Variants in RASGEF1C observed in about 807,000 individuals in gnomAD.
RASGEF1C encodes RasGEF domain family member 1C.
A neutral mutation model predicts 58.1 loss-of-function variants in RASGEF1C; 27 were observed. The observed-to-expected ratio is 0.46, with a 90% CI of 0.34 to 0.64. The LOEUF (loss-of-function observed/expected upper bound fraction) is 0.64. Ranked by LOEUF, RASGEF1C falls within the 30% of genes least tolerant of loss-of-function variation. RASGEF1C has a pLI of 0.01. For synonymous variants in RASGEF1C, 243 were observed against 246.3 expected (o/e 0.99, Z 0.13); for missense variants, 502 against 605.1 (o/e 0.83, Z 1.79).
At position 180,177,129 on chromosome 5, in the gene RASGEF1C, G is replaced by A. The variant is rs1162033149; in HGVS notation, c.-7+31899C>T. Among the ~76,000 whole-genome samples, 3 of 152,210 alleles carry A rather than the reference G, an allele frequency of 2.0e-5. No homozygotes were observed. The highest frequency in any genetic ancestry group is 6.5e-5 in the Admixed American group (1 of 15,286). ...ACCAGGGTGAGAGGTGAGACTCTCAGAGCCTGACGGAGGGGCTGGATGAGG... is the reference window on the plus strand; with the variant it reads ...ACCAGGGTGAGAGGTGAGACTCTCAAAGCCTGACGGAGGGGCTGGATGAGG... On this transcript the variant is annotated intron_variant, in intron 1 of 13. Coordinates refer to ENST00000361132, the MANE Select transcript of RASGEF1C (RefSeq NM_175062.4). The surrounding 1 kb of genome is among the most constrained non-coding windows in gnomAD (Gnocchi z 5.0).
rs1176376141 is a variant in RASGEF1C, at chr5:180,101,441, G to A, written c.*60C>T. On this transcript the variant is annotated 3_prime_UTR_variant, in exon 14 of 14. Transcript: ENST00000361132. ...GGCCTCTGCCCACTGGGCCACTGAG[G>A]CAGGGCTGTGGACGGCTTCTGCGGG... is the stretch of plus-strand genomic sequence containing the variant. 3 of 1,597,900 alleles carry A rather than the reference G, an allele frequency of 1.9e-6. No homozygotes were observed. Among genetic ancestry groups the A allele is most frequent in the African/African-American group, 2.7e-5 (2 of 74,812 alleles).
chr5:180,142,373 G>A (rs1229767161), intron 1 of RASGEF1C, among the ~76,000 whole-genome samples: 2 of 152,160 alleles, frequency 1.3e-5, no homozygotes, highest in African/African-American at 4.8e-5. Context: ...GGTATGCGTT[G>A]TCATGGTCCC....
rs112570993 is a variant in RASGEF1C, at chr5:180,168,301, T to C, written c.-6-30243A>G. Among the ~76,000 whole-genome samples the C allele has an allele frequency of 0.034, 5,113 of 152,094 alleles. 133 individuals carry two copies. Among genetic ancestry groups the C allele is most frequent in the South Asian group, 0.1 (480 of 4,802 alleles). ...ATACAAAATTAGCCGAGCCTGGTGG[T>C]GCATGCCTGTAATCGCAGCTACTCG... On this transcript the variant is annotated intron_variant, in intron 1 of 13. Coordinates refer to ENST00000361132, the MANE Select transcript of RASGEF1C (RefSeq NM_175062.4). This position sits in a 1 kb window ranked among gnomAD's most constrained non-coding sequence, Gnocchi z 6.0.
chr5:180,121,679 A>ACC (rs1554111948), intron 6 of RASGEF1C, among the ~76,000 whole-genome samples: 40 of 27,868 alleles, frequency 1.4e-3, no homozygotes, highest in African/African-American at 4.3e-3. Flanking sequence ...ACACACACAC[A>ACC]CACCCTCATT....
intron 1 of RASGEF1C, among the ~76,000 whole-genome samples, chr5:180,145,953 T>C (rs4700880): frequency 0.93 from 141,616 of 152,318 alleles, 66,700 homozygotes; most frequent in East Asian, 1. Flanking sequence ...ATCAATCCCT[T>C]ATTAGCTATG....
At chr5:180,148,605 C>T (rs1197977276) in intron 1 of RASGEF1C, among the ~76,000 whole-genome samples, 3 of 152,192 alleles carry the variant, frequency 2.0e-5, no homozygotes, top group Non-Finnish European at 4.4e-5. Context: ...CATTCAAAAA[C>T]TCTGCTCCTA....
At chr5:180,136,269 C>T (rs1766469611) in intron 4 of RASGEF1C, 109 bp downstream of exon 4, 10 of 1,142,276 alleles carry the variant, frequency 8.8e-6, no homozygotes, top group South Asian at 5.0e-5. Context: ...TTGGACGGGC[C>T]GTGGTGTGCA....
chr5:180,153,972 C>T (rs1235799796), intron 1 of RASGEF1C, among the ~76,000 whole-genome samples: 1 of 152,188 alleles, frequency 6.6e-6, no homozygotes, highest in Non-Finnish European at 1.5e-5. Context: ...CCATGTGGCC[C>T]CTGGTCAGCA....
At chr5:180,200,990 C>A (rs1242939206) in intron 1 of RASGEF1C, among the ~76,000 whole-genome samples, 2 of 152,090 alleles carry the variant, frequency 1.3e-5, no homozygotes, top group East Asian at 3.9e-4. Flanking sequence ...CTCAGCTACT[C>A]GGGAGGCTGA....
chr5:180,141,288 AT>A (rs60636801), intron 1 of RASGEF1C, among the ~76,000 whole-genome samples: 4 of 152,168 alleles, frequency 2.6e-5, no homozygotes, highest in African/African-American at 9.7e-5. Flanking sequence ...TCCACAAATA[AT>A]TTTTAAAAAG....
At chr5:180,124,847 C>T (rs1016278881) in intron 6 of RASGEF1C, among the ~76,000 whole-genome samples, 1 of 150,834 alleles carries the variant, frequency 6.6e-6, no homozygotes, top group Non-Finnish European at 1.5e-5. Flanking sequence ...CAATAAAAAA[C>T]TAGGCCAGGT....
rs569684064 is a variant in RASGEF1C at position 180,152,678 on chromosome 5, C to T, written c.-6-14620G>A. ...TGTATACATATGTAACAAACCTGCACGTTATGCACATGTACCCTAGAACTT... is the reference window on the plus strand; with the variant it reads ...TGTATACATATGTAACAAACCTGCATGTTATGCACATGTACCCTAGAACTT... On this transcript the variant is annotated intron_variant, in intron 1 of 13. Coordinates refer to ENST00000361132, the MANE Select transcript of RASGEF1C (RefSeq NM_175062.4). 1.6e-4 allele frequency among the ~76,000 whole-genome samples: 24 copies of T among 149,672 alleles called. 1 individual carries two copies. The highest frequency in any genetic ancestry group is 7.8e-4 in the East Asian group (4 of 5,096).
chr5:180,118,659 G>A lies in RASGEF1C; in HGVS notation c.1033C>T (p.Leu345=). 1.2e-6 allele frequency: 2 copies of A among 1,614,124 alleles called. No homozygotes were observed. The highest frequency in any genetic ancestry group is 1.7e-6 in the Non-Finnish European group (2 of 1,180,016). Residue 345 remains leucine, a synonymous_variant, in exon 10 of 14, where the codon CTG becomes TTG. Transcript: ENST00000361132. ...AGGGAGCGGTGGGCCGCCCCGCGCA[G>A]GGCTGTCCTGTAGTTGCAGAAATTC... ...TGNFCNYRTA[L]RGAAHRSLTA... is the part of the protein sequence containing the mutation.
intron 6 of RASGEF1C, among the ~76,000 whole-genome samples, 200 bp downstream of exon 6, chr5:180,127,409 T>C (rs1766280490): frequency 6.6e-6 from 1 of 152,216 alleles, no homozygotes; most frequent in African/African-American, 2.4e-5. Flanking sequence ...ACGTCCAGGC[T>C]TTCCGGGGAC....
chr5:180,174,501 T>C (rs1581120320), intron 1 of RASGEF1C, among the ~76,000 whole-genome samples: 1 of 149,284 alleles, frequency 6.7e-6, no homozygotes, highest in East Asian at 2.0e-4. Context: ...CGTGTGTGTC[T>C]GTGTGTGCGT....
rs889467547 is a variant in RASGEF1C at position 180,168,359 on chromosome 5, G to A, written c.-6-30301C>T. Among the ~76,000 whole-genome samples the A allele has an allele frequency of 1.8e-4, 27 of 152,096 alleles. No individual in the cohort carries two copies. The highest frequency in any genetic ancestry group is 5.2e-4 in the Admixed American group (8 of 15,256). ...GAGGCAGGAGAATTGCTTGAACCCG[G>A]GAGGTGGCGGTTGCCATGAGCCGAG... On this transcript the variant is annotated intron_variant, in intron 1 of 13. Transcript: ENST00000361132. The surrounding 1 kb of genome is among the most constrained non-coding windows in gnomAD (Gnocchi z 6.0).
In RASGEF1C at chr5:180,118,847, A is replaced by G. The variant is rs766203532; in HGVS notation, c.927T>C (p.Pro309=). ...CCCAGGTCTTCTTCAGCCTGGAGACAGGGCTCATGTTCATGCCGGCTGGAA... is the reference window on the plus strand; with the variant it reads ...CCCAGGTCTTCTTCAGCCTGGAGACGGGGCTCATGTTCATGCCGGCTGGAA... ...MAIISGMNMS[P]VSRLKKTWAK... is the part of the protein sequence containing the mutation. The change falls in exon 9 of 14, where the codon CCT becomes CCC. Residue 309 remains proline, a synonymous_variant. Transcript: ENST00000361132. 7.4e-6 allele frequency: 12 copies of G among 1,614,206 alleles called. No homozygotes were observed. In the South Asian group the frequency reaches 1.1e-4, roughly 15 times the overall value.
chr5:180,174,799 T>C (rs1009791296), intron 1 of RASGEF1C, among the ~76,000 whole-genome samples: 2 of 152,152 alleles, frequency 1.3e-5, no homozygotes, highest in East Asian at 1.9e-4. Context: ...TTGACTTCAC[T>C]GCGCAGCAGT....
chr5:180,134,961 A>G (rs993585245), intron 4 of RASGEF1C, among the ~76,000 whole-genome samples: 7 of 109,918 alleles, frequency 6.4e-5, no homozygotes, highest in African/African-American at 2.4e-4. Context: ...CCAGTCACCT[A>G]TTCTTTCCCA....
Sources: allele counts gnomAD v4.1 joint callset (sites outside exome capture counted in the v4.1 genomes callset), GRCh38; gene constraint gnomAD v4.1.1; non-coding constraint Gnocchi (gnomAD v3.1); transcripts MANE v1.5; gene names NCBI Gene and HGNC (gene_info 2026-07-23, HGNC 2026-07-21).